SPMAP2L: variants seen among roughly 807,000 people sequenced by gnomAD.
SPMAP2L encodes sperm microtubule associated protein 2 like.
chr4:56,595,573 C>T, the SPMAP2L span: 31 of 1,376,122 alleles, frequency 2.3e-5, no homozygotes, highest in Non-Finnish European at 3.0e-5. Context: ...GCAGCATTCC[C>T]ACTCCCCTTC....
the SPMAP2L span, among the ~76,000 whole-genome samples, chr4:56,591,811 T>G: frequency 9.9e-5 from 15 of 152,216 alleles, no homozygotes; most frequent in Non-Finnish European, 2.2e-4. Context: ...GGGAGACGTA[T>G]GGTTCTGCTT....
the SPMAP2L span, among the ~76,000 whole-genome samples, chr4:56,550,733 C>T: frequency 1.9e-4 from 29 of 152,158 alleles, no homozygotes; most frequent in Middle Eastern, 6.8e-3. Context: ...TCTGTTAATT[C>T]GGGGTCATCA....
the SPMAP2L span, among the ~76,000 whole-genome samples, chr4:56,562,951 TAG>T: frequency 8.5e-4 from 130 of 152,112 alleles, no homozygotes; most frequent in African/African-American, 2.9e-3. Context: ...GTTAGAGATA[TAG>T]TATATTTCCA....
At chr4:56,538,634 C>T in the SPMAP2L span, among the ~76,000 whole-genome samples, 1 of 152,166 alleles carries the variant, frequency 6.6e-6, no homozygotes, top group Non-Finnish European at 1.5e-5. Context: ...GAAACCCCAG[C>T]TCTACTAAAA....
the SPMAP2L span, among the ~76,000 whole-genome samples, chr4:56,605,683 T>G: frequency 6.6e-6 from 1 of 152,132 alleles, no homozygotes; most frequent in African/African-American, 2.4e-5. Context: ...CTAGGGCTCC[T>G]CACCCAACCC....
the SPMAP2L span, chr4:56,548,681 C>G: frequency 1.4e-4 from 90 of 650,264 alleles, 1 homozygote; most frequent in South Asian, 3.2e-3. Context: ...GGCCATTTCC[C>G]CAAATATTTT....
the SPMAP2L span, among the ~76,000 whole-genome samples, chr4:56,589,070 T>A: frequency 6.6e-6 from 1 of 151,948 alleles, no homozygotes. Flanking sequence ...CTCACTGCAA[T>A]CTCCGCCTCC....
the SPMAP2L span, among the ~76,000 whole-genome samples, chr4:56,545,335 G>A: frequency 1.3e-5 from 2 of 152,086 alleles, no homozygotes; most frequent in Non-Finnish European, 2.9e-5. Context: ...GTCTGTTTAT[G>A]TAAGCAACCT....
the SPMAP2L span, chr4:56,595,108 A>G: frequency 6.2e-7 from 1 of 1,611,584 alleles, no homozygotes; most frequent in Non-Finnish European, 8.5e-7. Flanking sequence ...CTGGGCTTAT[A>G]TCAAGATGAT....
At chr4:56,549,108 C>T in the SPMAP2L span, among the ~76,000 whole-genome samples, 1 of 151,690 alleles carries the variant, frequency 6.6e-6, no homozygotes, top group African/African-American at 2.4e-5. Context: ...CCTTCCTCAG[C>T]CTCCTGAGTA....
At chr4:56,593,706 G>T in the SPMAP2L span, 1 of 1,591,412 alleles carries the variant, frequency 6.3e-7, no homozygotes, top group Non-Finnish European at 8.6e-7. Flanking sequence ...AGAATGGTGG[G>T]GGCAACAAGA....
the SPMAP2L span, chr4:56,552,470 C>A: frequency 1.5e-6 from 1 of 654,720 alleles, no homozygotes; most frequent in Admixed American, 2.4e-5. Flanking sequence ...TTTTTTCCCC[C>A]CTCCTATGAG....
At chr4:56,596,468 C>T in the SPMAP2L span, 1 of 1,479,092 alleles carries the variant, frequency 6.8e-7, no homozygotes, top group Non-Finnish European at 8.9e-7. Flanking sequence ...TTACTTGATG[C>T]TTATAAGTAC....
At chr4:56,620,687 C>T in the SPMAP2L span, among the ~76,000 whole-genome samples, 10 of 152,210 alleles carry the variant, frequency 6.6e-5, no homozygotes. Context: ...GCCCGACATC[C>T]TTCTAGTTGT....
chr4:56,571,725 G>A, the SPMAP2L span, among the ~76,000 whole-genome samples: 6 of 152,304 alleles, frequency 3.9e-5, no homozygotes, highest in South Asian at 4.1e-4. Context: ...GCACATGCCC[G>A]TAGTCCTAGC....
At chr4:56,580,272 A>C in the SPMAP2L span, among the ~76,000 whole-genome samples, 2 of 152,198 alleles carry the variant, frequency 1.3e-5, no homozygotes, top group African/African-American at 4.8e-5. Flanking sequence ...ATTATACACC[A>C]TGACCAAATT....
chr4:56,604,822 G>A, the SPMAP2L span, among the ~76,000 whole-genome samples: 4 of 152,128 alleles, frequency 2.6e-5, no homozygotes, highest in Admixed American at 6.6e-5. Flanking sequence ...CTACTCAGTC[G>A]TAAAACAAAA....
the SPMAP2L span, chr4:56,531,145 C>A: frequency 3.7e-4 from 575 of 1,533,444 alleles, 1 homozygote; most frequent in Non-Finnish European, 4.5e-4. Flanking sequence ...AGCCCCGCCA[C>A]GGCCTCAGCT....
the SPMAP2L span, among the ~76,000 whole-genome samples, chr4:56,624,123 G>A: frequency 6.6e-6 from 1 of 152,316 alleles, no homozygotes; most frequent in East Asian, 1.9e-4. Context: ...AACTTGTTGG[G>A]AACTGGAGCA....
Sources: allele counts gnomAD v4.1 joint callset (sites outside exome capture counted in the v4.1 genomes callset), GRCh38; gene constraint gnomAD v4.1.1; transcripts MANE v1.5; gene names NCBI Gene and HGNC (gene_info 2026-07-23, HGNC 2026-07-21).